Variants in SAMD8 observed in about 807,000 individuals in gnomAD.
SAMD8 encodes the protein sphingomyelin synthase-related protein 1.
In SAMD8, 20 loss-of-function variants were observed where a neutral mutation model predicts 42.0. The observed-to-expected ratio is 0.48, with a 90% confidence interval of 0.34 to 0.69. SAMD8 has a LOEUF of 0.69. SAMD8 is among the 30% of genes least tolerant of loss of function. The probability of loss-of-function intolerance (pLI) is 0.01; values close to 1 mark genes in which losing one functional copy is unlikely to be tolerated. For missense variants in SAMD8, 328 were observed against 511.6 expected (o/e 0.64, Z 3.46); for synonymous variants, 162 against 173.0 (o/e 0.94, Z 0.50).
chr10:75,164,628 A>C lies in SAMD8; in HGVS notation c.579-17A>C. 1 of 1,611,302 alleles carries C rather than the reference A, an allele frequency of 6.2e-7. No individual in the cohort carries two copies. Reference sequence around the variant, plus strand: ...ATGTATACTTCTTCAATTCAAAATCATTTTTTTCTGTTCCAGCGTTCCTAG... The same window carrying C: ...ATGTATACTTCTTCAATTCAAAATCCTTTTTTTCTGTTCCAGCGTTCCTAG... On this transcript the variant is annotated splice_polypyrimidine_tract_variant and intron_variant, in intron 2 of 5. Coordinates refer to ENST00000542569, the MANE Select transcript of SAMD8 (RefSeq NM_001174156.2).
chr10:75,114,814 G>A (rs1848841089), intron 1 of SAMD8, among the ~76,000 whole-genome samples: 1 of 152,086 alleles, frequency 6.6e-6, no homozygotes, highest in Non-Finnish European at 1.5e-5. Flanking sequence ...TATGCCAGTG[G>A]ATTGTTAATG....
chr10:75,137,704 C>G (rs561521896), intron 1 of SAMD8, among the ~76,000 whole-genome samples: 1 of 151,930 alleles, frequency 6.6e-6, no homozygotes, highest in African/African-American at 2.4e-5. Flanking sequence ...TAGAGAATAC[C>G]AGGGACTGAG....
intron 1 of SAMD8, among the ~76,000 whole-genome samples, chr10:75,102,430 G>A (rs557241396): frequency 2.6e-5 from 4 of 152,042 alleles, no homozygotes; most frequent in South Asian, 2.1e-4. Context: ...GCGACAGGGC[G>A]AGACTCCGTC....
At chr10:75,099,697 A>C (rs2134351459) in exon 1 of SAMD8, 1 of 431,098 alleles carries the variant, frequency 2.3e-6, no homozygotes. Flanking sequence ...GGTTCCATAA[A>C]CCTCCATGAA....
chr10:75,124,096 A>G (rs1160246457), intron 1 of SAMD8, among the ~76,000 whole-genome samples: 2 of 152,024 alleles, frequency 1.3e-5, no homozygotes, highest in South Asian at 2.1e-4. Context: ...TAGCTTCTCT[A>G]GTATCCACTT....
chr10:75,161,735 C>T (rs1840562360), intron 2 of SAMD8, among the ~76,000 whole-genome samples: 1 of 151,718 alleles, frequency 6.6e-6, no homozygotes, highest in South Asian at 2.1e-4. Flanking sequence ...TAAAATCCAG[C>T]AGGGGCTGGG....
At chr10:75,158,928 G>C (rs1840484609) in intron 2 of SAMD8, among the ~76,000 whole-genome samples, 1 of 152,094 alleles carries the variant, frequency 6.6e-6, no homozygotes, top group Admixed American at 6.6e-5. Flanking sequence ...TCCATTGTAT[G>C]GATGTACCAA....
chr10:75,121,922 C>A (rs1409865363), intron 1 of SAMD8, among the ~76,000 whole-genome samples: 1 of 152,090 alleles, frequency 6.6e-6, no homozygotes, highest in East Asian at 1.9e-4. Flanking sequence ...GAACTCCTGA[C>A]CTCAAGTGAT....
chr10:75,166,732 C>T (rs984484813), intron 3 of SAMD8, among the ~76,000 whole-genome samples: 5 of 152,222 alleles, frequency 3.3e-5, no homozygotes, highest in Non-Finnish European at 4.4e-5. Context: ...TTCTGGTTAA[C>T]TTTGCCTCAC....
chr10:75,176,338 A>C lies in SAMD8; in HGVS notation c.944-50A>C, dbSNP rs755567873. On this transcript the variant is annotated intron_variant, in intron 5 of 5. Transcript: ENST00000542569. This position sits in a 1 kb window ranked among gnomAD's most constrained non-coding sequence, Gnocchi z 4.3. ...CCTGACCTGAGAAACGTGACTGAGA[A>C]GCATTGGAAGGAATGTAGCTTTAAA... 7.6e-5 allele frequency: 121 copies of C among 1,589,830 alleles called. No homozygotes were observed. Among genetic ancestry groups the C allele is most frequent in the Non-Finnish European group, 1.2e-5 (14 of 1,168,262 alleles).
At chr10:75,120,570 G>C (rs1019647769) in intron 1 of SAMD8, among the ~76,000 whole-genome samples, 7 of 151,692 alleles carry the variant, frequency 4.6e-5, no homozygotes, top group African/African-American at 1.7e-4. Flanking sequence ...CGCCCGGCCA[G>C]CGTCATACTT....
At chr10:75,099,718 T>C in exon 1 of SAMD8, 1 of 328,644 alleles carries the variant, frequency 3.0e-6, no homozygotes, top group Non-Finnish European at 5.2e-6. Context: ...GATGGGAGTC[T>C]ACCTGAAGAG....
At chr10:75,108,885 C>G, upstream of SAMD8, 3 of 1,310,724 alleles carry the variant, frequency 2.3e-6, no homozygotes, top group Non-Finnish European at 3.0e-6. Flanking sequence ...GAGAAGGTCC[C>G]TGGCCTGGGA....
intron 1 of SAMD8, chr10:75,105,997 C>T (rs776780402): frequency 2.5e-6 from 2 of 786,264 alleles, no homozygotes; most frequent in Non-Finnish European, 4.2e-6. Context: ...AGTCACTCAG[C>T]CTTTATGGAC....
chr10:75,108,826 G>A (rs1375912861), upstream of SAMD8, among the ~76,000 whole-genome samples: 1 of 152,178 alleles, frequency 6.6e-6, no homozygotes, highest in Non-Finnish European at 1.5e-5. Context: ...GCTCTCCCTG[G>A]TGGCCATACC....
At chr10:75,130,689 A>C (rs1849255546) in intron 1 of SAMD8, among the ~76,000 whole-genome samples, 1 of 152,140 alleles carries the variant, frequency 6.6e-6, no homozygotes, top group African/African-American at 2.4e-5. Flanking sequence ...GGTGACTTTA[A>C]ATCATTTAAA....
chr10:75,107,525 C>T (rs1848586860), upstream of SAMD8, among the ~76,000 whole-genome samples: 1 of 152,224 alleles, frequency 6.6e-6, no homozygotes, highest in Admixed American at 6.5e-5. Flanking sequence ...CCTCAGTTTC[C>T]CCATCTGGGA....
chr10:75,180,991 T>C lies in SAMD8; in HGVS notation c.*4299T>C, dbSNP rs1250880324. 6.6e-6 allele frequency: 1 copy of C among 152,216 alleles called. No individual in the cohort carries two copies. The highest frequency in any genetic ancestry group is 2.4e-5 in the African/African-American group (1 of 41,460). The allele number at this position is 152,216 out of a possible 1,614,324, so 9.4% of individuals were successfully genotyped here. A position where few individuals can be genotyped will look rare whatever the true frequency, so the allele number is the denominator to read the frequency against. On this transcript the variant is annotated 3_prime_UTR_variant, in exon 6 of 6. Coordinates refer to ENST00000542569, the MANE Select transcript of SAMD8 (RefSeq NM_001174156.2). ...TGTTAACCACATTCTTGTTTTAAAC[T>C]CTCTAATTTAATAAATGTAATTATT... is the stretch of plus-strand genomic sequence containing the variant.
chr10:75,102,307 G>T (rs1848217339), intron 1 of SAMD8, among the ~76,000 whole-genome samples: 1 of 152,186 alleles, frequency 6.6e-6, no homozygotes, highest in Non-Finnish European at 1.5e-5. Flanking sequence ...GCCGGGCGTG[G>T]TGGTGGATGC....
Sources: allele counts gnomAD v4.1 joint callset (sites outside exome capture counted in the v4.1 genomes callset), GRCh38; gene constraint gnomAD v4.1.1; non-coding constraint Gnocchi (gnomAD v3.1); transcripts MANE v1.5; gene names NCBI Gene and HGNC (gene_info 2026-07-23, HGNC 2026-07-21).